Variants in CSNK2A2IP observed in about 807,000 individuals in gnomAD.
CSNK2A2IP encodes casein kinase 2 subunit alpha' interacting protein.
At chr3:88,349,899 G>A in the CSNK2A2IP span, among the ~76,000 whole-genome samples, 2 of 151,972 alleles carry the variant, frequency 1.3e-5, no homozygotes, top group African/African-American at 4.8e-5. Flanking sequence ...TAGTGATGTT[G>A]AGCAGAAAAT....
the CSNK2A2IP span, among the ~76,000 whole-genome samples, chr3:88,435,976 T>TAATGCACATTATGTGTGCATTA: frequency 2.7e-5 from 4 of 147,872 alleles, no homozygotes; most frequent in Admixed American, 1.3e-4. Flanking sequence ...ATTATATATA[T>TAATGCACATTATGTGTGCATTA]TTCAGGAAAA....
chr3:88,431,008 T>A, the CSNK2A2IP span, among the ~76,000 whole-genome samples: 1 of 152,110 alleles, frequency 6.6e-6, no homozygotes, highest in Non-Finnish European at 1.5e-5. Flanking sequence ...AAACTAAGAC[T>A]TCGAAATTTG....
chr3:88,380,153 T>C, the CSNK2A2IP span, among the ~76,000 whole-genome samples: 14 of 152,072 alleles, frequency 9.2e-5, no homozygotes, highest in Admixed American at 6.6e-4. Context: ...TGAATTTTTA[T>C]TGGGAAAAGA....
chr3:88,457,746 A>AAAATAAAATG, the CSNK2A2IP span, among the ~76,000 whole-genome samples: 1 of 141,598 alleles, frequency 7.1e-6, no homozygotes, highest in East Asian at 2.4e-4. Context: ...AAAATAAAAT[A>AAAATAAAATG]AAATAAAATC....
chr3:88,445,275 CAA>C, the CSNK2A2IP span, among the ~76,000 whole-genome samples: 10 of 47,772 alleles, frequency 2.1e-4, no homozygotes, highest in African/African-American at 6.2e-4. Flanking sequence ...GTAAAAATAC[CAA>C]AAAAAAAAAA....
At chr3:88,411,592 T>C in the CSNK2A2IP span, among the ~76,000 whole-genome samples, 9 of 151,956 alleles carry the variant, frequency 5.9e-5, no homozygotes, top group African/African-American at 2.2e-4. Context: ...AGAAAAAAGT[T>C]ATTTAATTCA....
chr3:88,405,493 A>G, the CSNK2A2IP span, among the ~76,000 whole-genome samples: 1 of 152,204 alleles, frequency 6.6e-6, no homozygotes, highest in African/African-American at 2.4e-5. Flanking sequence ...ATCAAAAGTC[A>G]GAAAGCTTGT....
the CSNK2A2IP span, among the ~76,000 whole-genome samples, chr3:88,461,163 A>G: frequency 4.3e-4 from 65 of 152,256 alleles, no homozygotes; most frequent in African/African-American, 1.5e-3. Flanking sequence ...GTTGTTTCGT[A>G]ATTACTGAAG....
At chr3:88,414,208 T>C in the CSNK2A2IP span, among the ~76,000 whole-genome samples, 3 of 147,184 alleles carry the variant, frequency 2.0e-5, no homozygotes, top group South Asian at 2.1e-4. Flanking sequence ...TATATATATA[T>C]ATAAATTTGT....
the CSNK2A2IP span, among the ~76,000 whole-genome samples, chr3:88,394,630 T>C: frequency 5.3e-5 from 8 of 152,252 alleles, no homozygotes; most frequent in Admixed American, 3.9e-4. Flanking sequence ...CACCTTGGCC[T>C]CCCAAAGCAC....
the CSNK2A2IP span, among the ~76,000 whole-genome samples, chr3:88,394,467 G>A: frequency 1.3e-5 from 2 of 152,122 alleles, no homozygotes; most frequent in African/African-American, 4.8e-5. Context: ...CTGCCTCCTG[G>A]GTTCAAGTGA....
the CSNK2A2IP span, among the ~76,000 whole-genome samples, chr3:88,366,950 T>C: frequency 3.3e-5 from 5 of 152,042 alleles, no homozygotes; most frequent in South Asian, 4.1e-4. Context: ...AAGCCACTTA[T>C]AAAATCATCC....
the CSNK2A2IP span, among the ~76,000 whole-genome samples, chr3:88,396,144 G>A: frequency 7.5e-6 from 1 of 133,776 alleles, no homozygotes; most frequent in African/African-American, 2.8e-5. Flanking sequence ...TCTCGCTGTC[G>A]CCCAGGCTGG....
chr3:88,357,269 CA>C, the CSNK2A2IP span, among the ~76,000 whole-genome samples: 13 of 152,038 alleles, frequency 8.6e-5, no homozygotes, highest in Non-Finnish European at 1.9e-4. Flanking sequence ...TAATCCATTT[CA>C]TTTTTTTTAT....
chr3:88,383,842 T>A, the CSNK2A2IP span, among the ~76,000 whole-genome samples: 1 of 151,932 alleles, frequency 6.6e-6, no homozygotes, highest in South Asian at 2.1e-4. Context: ...TTTTTTGTAT[T>A]TTTAGTAGAG....
the CSNK2A2IP span, among the ~76,000 whole-genome samples, chr3:88,347,435 T>A: frequency 2.0e-5 from 3 of 152,016 alleles, no homozygotes; most frequent in African/African-American, 7.2e-5. Flanking sequence ...TTGCCAGTCA[T>A]CCCAACCTTC....
chr3:88,391,054 T>C, the CSNK2A2IP span, among the ~76,000 whole-genome samples: 1 of 152,194 alleles, frequency 6.6e-6, no homozygotes, highest in African/African-American at 2.4e-5. Context: ...TACTTAGTCT[T>C]TGTATGCTCA....
the CSNK2A2IP span, among the ~76,000 whole-genome samples, chr3:88,447,871 G>T: frequency 0.35 from 53,445 of 151,834 alleles, 10,504 homozygotes; most frequent in South Asian, 0.46. Flanking sequence ...TTTATTTTAA[G>T]AATTTATATT....
chr3:88,411,216 G>A, the CSNK2A2IP span, among the ~76,000 whole-genome samples: 1 of 151,776 alleles, frequency 6.6e-6, no homozygotes, highest in Non-Finnish European at 1.5e-5. Flanking sequence ...GTTGTTTGTG[G>A]GCATAGAACA....
Sources: allele counts gnomAD v4.1 joint callset (sites outside exome capture counted in the v4.1 genomes callset), GRCh38; gene constraint gnomAD v4.1.1; transcripts MANE v1.5; gene names NCBI Gene and HGNC (gene_info 2026-07-23, HGNC 2026-07-21).